CC2D2A: variants seen among roughly 807,000 people sequenced by gnomAD.
CC2D2A encodes coiled-coil and C2 domain containing 2A, also known as coiled-coil and C2 domain-containing protein 2A.
Under a neutral mutation model 212.9 loss-of-function variants are expected in CC2D2A, and 155 were observed. The ratio of observed to expected loss-of-function variants is 0.73; its 90% CI spans 0.64 to 0.83. The LOEUF (loss-of-function observed/expected upper bound fraction) is 0.83, where lower values mean the gene tolerates loss of function less well. CC2D2A is among the 40% of genes least tolerant of loss of function. The probability of loss-of-function intolerance (pLI) is 0.00; values close to 1 mark genes in which losing one functional copy is unlikely to be tolerated. For missense variants in CC2D2A, 1,856 were observed against 1,956.2 expected (o/e 0.95, Z 0.97); for synonymous variants, 667 against 686.5 (o/e 0.97, Z 0.44).
At chr4:15,504,294 C>T (rs1716134546) in intron 6 of CC2D2A, among the ~76,000 whole-genome samples, 1 of 152,152 alleles carries the variant, frequency 6.6e-6, no homozygotes, top group Non-Finnish European at 1.5e-5. Context: ...TTGTTATGTG[C>T]CCTCATGATC....
chr4:15,590,884 G>A (rs1396041070), intron 33 of CC2D2A, among the ~76,000 whole-genome samples: 4 of 151,994 alleles, frequency 2.6e-5, no homozygotes, highest in African/African-American at 9.7e-5. Flanking sequence ...TCACAGGCAC[G>A]TGCCACCTTG....
intron 24 of CC2D2A, among the ~76,000 whole-genome samples, chr4:15,565,008 AT>A (rs1719817748): frequency 6.6e-6 from 1 of 152,052 alleles, no homozygotes; most frequent in South Asian, 2.1e-4. Flanking sequence ...GTGTCTTTAC[AT>A]TTTTTAACTA....
At chr4:15,546,618 C>G (rs1434244725) in intron 17 of CC2D2A, among the ~76,000 whole-genome samples, 2 of 152,234 alleles carry the variant, frequency 1.3e-5, no homozygotes, top group East Asian at 1.9e-4. Context: ...CCTCGCCTAC[C>G]TCACTTTTGT....
At chr4:15,597,731 C>A (rs1207555377) in intron 35 of CC2D2A, among the ~76,000 whole-genome samples, 1 of 152,178 alleles carries the variant, frequency 6.6e-6, no homozygotes, top group Non-Finnish European at 1.5e-5. Flanking sequence ...AGTTTAACAT[C>A]ATGTTATAGG....
chr4:15,498,132 C>T (rs1040863718), intron 4 of CC2D2A, among the ~76,000 whole-genome samples: 7 of 152,104 alleles, frequency 4.6e-5, no homozygotes, highest in African/African-American at 1.7e-4. Flanking sequence ...CAGAGAAGAT[C>T]TGAAAGCCAT....
chr4:15,529,608 A>G (rs1273455169), intron 13 of CC2D2A, among the ~76,000 whole-genome samples: 2 of 152,114 alleles, frequency 1.3e-5, no homozygotes, highest in African/African-American at 4.8e-5. Flanking sequence ...ATGTAGATTT[A>G]TATCATGCTT....
rs1717958728 is a variant in CC2D2A, at chr4:15,533,470, G to A, written c.1607+137G>A. The A allele has an allele frequency of 5.0e-6, 3 of 596,034 alleles. No individual in the cohort carries two copies. The African/African-American group carries it at 5.8e-5, about 12-fold the overall frequency. The allele number at this position is 596,034 out of a possible 1,614,324, so 36.9% of individuals were successfully genotyped here. ...TTCCCAGGTTAAGAAATAGAACATT[G>A]CATACCTGAGCAGCCCCTCCCAAAT... On this transcript the variant is annotated intron_variant, in intron 14 of 36. Transcript: ENST00000424120.
intron 20 of CC2D2A, among the ~76,000 whole-genome samples, chr4:15,556,158 T>A (rs908137408): frequency 6.6e-6 from 1 of 152,258 alleles, no homozygotes; most frequent in Admixed American, 6.5e-5. Context: ...TCGAATACAA[T>A]TGGTTTTATT....
At chr4:15,572,577 T>C (rs576432172) in intron 28 of CC2D2A, among the ~76,000 whole-genome samples, 3 of 151,688 alleles carry the variant, frequency 2.0e-5, no homozygotes, top group South Asian at 4.2e-4. Context: ...CTAGGGATGC[T>C]GCTGAACATC....
chr4:15,501,716 G>A (rs1243238998), intron 4 of CC2D2A, among the ~76,000 whole-genome samples: 2 of 152,122 alleles, frequency 1.3e-5, no homozygotes, highest in Non-Finnish European at 2.9e-5. Context: ...TGATGGTAGA[G>A]CCATTTATCA....
Position 15,470,719 on chromosome 4 carries a change from A to C in CC2D2A, c.-19+662A>C, listed in dbSNP as rs1238169561. Reference sequence around the variant, plus strand: ...TATATATATATATATATATATATATATATATATATATATATCCTAGAGCTC... The same window carrying C: ...TATATATATATATATATATATATATCTATATATATATATATCCTAGAGCTC... On this transcript the variant is annotated intron_variant, in intron 1 of 36. Coordinates refer to ENST00000424120, the MANE Select transcript of CC2D2A (RefSeq NM_001378615.1). 1.0e-4 allele frequency among the ~76,000 whole-genome samples: 9 copies of C among 86,594 alleles called. 1 individual carries two copies. The highest frequency in any genetic ancestry group is 1.0e-3 in the Admixed American group (8 of 8,014). 56.8% of individuals were successfully genotyped at this position (86,594 alleles called of 152,430 possible).
At position 15,540,949 on chromosome 4, in the gene CC2D2A, C is replaced by T. The variant is rs1189294231; in HGVS notation, c.2116C>T (p.Arg706Ter). Residue 706 changes from arginine to a stop codon, truncating the protein, a stop_gained, in exon 17 of 37, where the codon CGA becomes TGA. Transcript: ENST00000424120. LOFTEE classifies it high-confidence loss of function. Reference protein sequence around the residue: ...TVSRPLGADFRVHFGQIFNLQ... With the variant: ...TVSRPLGADF The stretch of plus-strand genomic sequence containing the variant: ...CAGTCGGCCACTAGGAGCAGACTTC[C>T]GAGTTCACTTTGGGCAGATTTTCAA... The T allele has an allele frequency of 5.1e-6, 8 of 1,560,542 alleles. No homozygotes were observed. Among genetic ancestry groups the T allele is most frequent in the Non-Finnish European group, 6.1e-6 (7 of 1,152,076 alleles).
rs1196796871 is a variant in CC2D2A at position 15,540,706 on chromosome 4, A to G, written c.2004-131A>G. The G allele has an allele frequency of 6.3e-6, 5 of 788,006 alleles. No homozygotes were observed. The Admixed American group carries it at 1.1e-4, about 17-fold the overall frequency. 48.8% of individuals were successfully genotyped at this position (788,006 alleles called of 1,614,324 possible). Reference sequence around the variant, plus strand: ...TGCAAGACCTGTGGCTCCTCTGGTTAAATGAGGGCTGACATGATTGGGAGA... The same window carrying G: ...TGCAAGACCTGTGGCTCCTCTGGTTGAATGAGGGCTGACATGATTGGGAGA... On this transcript the variant is annotated intron_variant, in intron 16 of 36. Coordinates refer to ENST00000424120, the MANE Select transcript of CC2D2A (RefSeq NM_001378615.1).
chr4:15,563,586 T>G, intron 24 of CC2D2A, 64 bp downstream of exon 24: 1 of 1,510,150 alleles, frequency 6.6e-7, no homozygotes, highest in Non-Finnish European at 9.1e-7. Flanking sequence ...AATCGCTCCT[T>G]TACAGCATAC....
chr4:15,479,035 G>C (rs1338400567), intron 3 of CC2D2A, among the ~76,000 whole-genome samples: 6 of 152,214 alleles, frequency 3.9e-5, no homozygotes, highest in South Asian at 4.2e-4. Context: ...TCCATACTTA[G>C]AGCATTTTTA....
chr4:15,601,374 A>G lies in CC2D2A; in HGVS notation c.4812A>G (p.Lys1604=). The G allele has an allele frequency of 6.3e-7, 1 of 1,581,266 alleles. No homozygotes were observed. The highest frequency in any genetic ancestry group is 8.6e-7 in the Non-Finnish European group (1 of 1,160,796). ...CTGTATACATACACCCATACCCCAAAAATGTTTTGTCTGTTTGGATCTATG... is the reference window on the plus strand; with the variant it reads ...CTGTATACATACACCCATACCCCAAGAATGTTTTGTCTGTTTGGATCTATG... ...ALAVYIHPYP[K]NVLSVWIYVA... Residue 1604 remains lysine, a synonymous_variant, in exon 37 of 37, where the codon AAA becomes AAG. Transcript: ENST00000424120.
intron 33 of CC2D2A, among the ~76,000 whole-genome samples, chr4:15,595,578 AATC>A (rs1323786678): frequency 6.6e-6 from 1 of 152,246 alleles, no homozygotes; most frequent in South Asian, 2.1e-4. Flanking sequence ...AAGTTACATT[AATC>A]ATCCAAGGTC....
intron 36 of CC2D2A, 41 bp downstream of exon 36, chr4:15,599,747 T>C: frequency 1.4e-6 from 2 of 1,453,524 alleles, no homozygotes; most frequent in Non-Finnish European, 9.3e-7. Context: ...TGGATTTCCT[T>C]GTTTCAAATT....
chr4:15,579,330 A>G (rs1014204708), intron 29 of CC2D2A, among the ~76,000 whole-genome samples: 10 of 148,436 alleles, frequency 6.7e-5, no homozygotes, highest in Non-Finnish European at 1.1e-4. Context: ...CCCTGTCTCA[A>G]AAAAAAAAAA....
Sources: allele counts gnomAD v4.1 joint callset (sites outside exome capture counted in the v4.1 genomes callset), GRCh38; gene constraint gnomAD v4.1.1; transcripts MANE v1.5; gene names NCBI Gene and HGNC (gene_info 2026-07-23, HGNC 2026-07-21).